The following KIAA1217 variants were observed in gnomAD, a reference collection of about 807,000 sequenced individuals.
KIAA1217 encodes the protein KIAA1217, also known as sickle tail protein homolog.
A neutral mutation model predicts 163.9 loss-of-function variants in KIAA1217; 88 were observed. The observed-to-expected ratio is 0.54, with a 90% CI of 0.45 to 0.64. KIAA1217 has a LOEUF of 0.64. Ranked by LOEUF, KIAA1217 falls within the 30% of genes least tolerant of loss-of-function variation. The pLI, the probability that KIAA1217 is intolerant of heterozygous loss-of-function variation, is 0.00. For missense variants in KIAA1217, 2,372 were observed against 2,475.0 expected, an observed-to-expected ratio of 0.96 and a Z score of 0.88; for synonymous variants, 903 against 923.1, an observed-to-expected ratio of 0.98 and a Z score of 0.39.
intron 1 of KIAA1217, among the ~76,000 whole-genome samples, chr10:23,859,824 T>A (rs1839870853): frequency 6.6e-6 from 1 of 152,096 alleles, no homozygotes; most frequent in Non-Finnish European, 1.5e-5. Context: ...GACTCAAATG[T>A]CTAAAATGAC....
chr10:24,386,109 G>A (rs1353463459), intron 3 of KIAA1217, among the ~76,000 whole-genome samples: 4 of 152,142 alleles, frequency 2.6e-5, no homozygotes, highest in Admixed American at 1.3e-4. Context: ...TTCCTTTGTT[G>A]ACCATATTCT....
chr10:23,750,781 G>A (rs1839691830), intron 1 of KIAA1217, among the ~76,000 whole-genome samples: 1 of 152,064 alleles, frequency 6.6e-6, no homozygotes, highest in Admixed American at 6.6e-5. Context: ...GCTTCTAATA[G>A]CAGCATCTTG....
exon 2 of KIAA1217, chr10:24,007,262 A>C (rs1333255140): frequency 2.0e-5 from 3 of 151,946 alleles, no homozygotes; most frequent in African/African-American, 7.3e-5. Flanking sequence ...GGCCGATTGC[A>C]CTGTGTCCTG....
intron 1 of KIAA1217, among the ~76,000 whole-genome samples, chr10:23,899,812 A>G (rs1230730552): frequency 2.6e-5 from 4 of 152,078 alleles, no homozygotes; most frequent in African/African-American, 9.7e-5. Flanking sequence ...CACACACGAT[A>G]AAGTCTCATA....
intron 8 of KIAA1217, among the ~76,000 whole-genome samples, chr10:24,499,458 C>T (rs1166613958): frequency 1.3e-5 from 2 of 152,162 alleles, no homozygotes; most frequent in East Asian, 1.9e-4. Context: ...CGTGGCTGGG[C>T]GCGGTGGCCC....
Position 24,466,707 on chromosome 10 carries a change from C to G in KIAA1217, c.847-6521C>G, listed in dbSNP as rs538289128. ...CAACCAAGGATTTAGATGAAGCCAG[C>G]AAACAAAGGAATCATGTAATCAGGA... On this transcript the variant is annotated intron_variant, in intron 5 of 20. Coordinates refer to ENST00000376454, the MANE Select transcript of KIAA1217 (RefSeq NM_019590.5). 5.7e-5 allele frequency: 56 copies of G among 985,388 alleles called. No homozygotes were observed. In the African/African-American group the frequency reaches 9.1e-4, roughly 16 times the overall value. The allele number at this position is 985,388 out of a possible 1,614,324, so 61.0% of individuals were successfully genotyped here. A position where few individuals can be genotyped will look rare whatever the true frequency, so the allele number is the denominator to read the frequency against.
At chr10:23,792,650 G>A (rs145151432) in intron 1 of KIAA1217, among the ~76,000 whole-genome samples, 1,563 of 149,512 alleles carry the variant, frequency 0.01, 18 homozygotes, top group African/African-American at 0.035. Flanking sequence ...CTGCCACCAC[G>A]CCCGGCTAAT....
At chr10:24,022,635 T>A (rs1415360803) in intron 2 of KIAA1217, among the ~76,000 whole-genome samples, 1 of 151,724 alleles carries the variant, frequency 6.6e-6, no homozygotes, top group Admixed American at 6.6e-5. Context: ...GTTGAAAACT[T>A]ATGTCTACAC....
chr10:24,384,063 G>T (rs1015344603), intron 3 of KIAA1217, among the ~76,000 whole-genome samples: 2 of 152,156 alleles, frequency 1.3e-5, no homozygotes, highest in Non-Finnish European at 2.9e-5. Context: ...CACCTGGGTG[G>T]CCCAGAAGCA....
At chr10:23,767,985 G>A (rs749405115) in intron 1 of KIAA1217, among the ~76,000 whole-genome samples, 10 of 152,192 alleles carry the variant, frequency 6.6e-5, no homozygotes, top group Non-Finnish European at 1.5e-4. Context: ...GGAGGGGGCT[G>A]GCTGGTTGCC....
intron 14 of KIAA1217, 79 bp from the exon 15 acceptor site, chr10:24,531,750 TG>T (rs2073159199): frequency 7.4e-7 from 1 of 1,346,756 alleles, no homozygotes; most frequent in East Asian, 2.5e-5. Context: ...CAGATTGCAT[TG>T]GGTTTGTAGC....
chr10:23,893,621 G>A (rs1030998145), intron 1 of KIAA1217, among the ~76,000 whole-genome samples: 1 of 151,916 alleles, frequency 6.6e-6, no homozygotes, highest in African/African-American at 2.4e-5. Flanking sequence ...TTTCTCTTGT[G>A]GGCATTGAGT....
chr10:23,941,369 A>G (rs544657512), intron 1 of KIAA1217, among the ~76,000 whole-genome samples: 1 of 152,324 alleles, frequency 6.6e-6, no homozygotes, highest in Admixed American at 6.5e-5. Flanking sequence ...TTAGCAGAAT[A>G]TAAACAACAA....
intron 2 of KIAA1217, among the ~76,000 whole-genome samples, chr10:24,133,105 C>A (rs1395149830): frequency 1.3e-5 from 2 of 151,620 alleles, no homozygotes; most frequent in Non-Finnish European, 2.9e-5. Flanking sequence ...GAGAGAAAAC[C>A]TTTAAGTGGA....
chr10:24,171,984 T>C (rs926040219), intron 2 of KIAA1217, among the ~76,000 whole-genome samples: 15 of 152,144 alleles, frequency 9.9e-5, no homozygotes, highest in African/African-American at 3.6e-4. Flanking sequence ...GTTGGGGCTA[T>C]TATTATCCCC....
chr10:23,900,535 A>T lies in KIAA1217; in HGVS notation c.-320-106690A>T, dbSNP rs187728951. Among the ~76,000 whole-genome samples, 531 of 152,260 alleles carry T rather than the reference A, an allele frequency of 3.5e-3. 7 individuals carry two copies. The highest frequency in any genetic ancestry group is 0.011 in the African/African-American group (458 of 41,568). ...ATATTTATATAGATGATCATTGGAT[A>T]TTTATAAAAGAACTTCCTTTCACAA... On this transcript the variant is annotated intron_variant, in intron 1 of 18. Transcript: ENST00000376462.
At chr10:23,967,236 G>T (rs557139724) in intron 1 of KIAA1217, among the ~76,000 whole-genome samples, 3 of 151,786 alleles carry the variant, frequency 2.0e-5, no homozygotes, top group Non-Finnish European at 4.4e-5. Context: ...GAAAATAAGG[G>T]AACTAAGAGT....
chr10:24,513,109 A>T, intron 9 of KIAA1217, 150 bp from the exon 10 acceptor site: 1 of 722,838 alleles, frequency 1.4e-6, no homozygotes, highest in Non-Finnish European at 2.3e-6. Flanking sequence ...CATTATGTAC[A>T]GTCTTTGCTC....
chr10:24,167,471 A>T (rs904829493), intron 2 of KIAA1217, among the ~76,000 whole-genome samples: 2 of 152,070 alleles, frequency 1.3e-5, no homozygotes, highest in African/African-American at 2.4e-5. Flanking sequence ...AGTTCTCTAC[A>T]ACATGTGCAA....
Sources: gnomAD v4.1 joint callset for allele counts (sites outside exome capture counted in the v4.1 genomes callset) on GRCh38, gnomAD v4.1.1 for gene constraint, MANE v1.5 for transcripts, NCBI Gene and HGNC (gene_info 2026-07-23, HGNC 2026-07-21) for gene names.